The following RNPC3 variants were observed in gnomAD, a reference collection of about 807,000 sequenced individuals.
RNPC3 encodes RNA binding region (RNP1, RRM) containing 3.
Under a neutral mutation model 67.5 loss-of-function variants are expected in RNPC3, and 48 were observed. The observed-to-expected ratio is 0.71, with a 90% CI of 0.56 to 0.90. The LOEUF is 0.90. Among genes scored for constraint, RNPC3 ranks in the 40% least tolerant of loss-of-function variants. RNPC3 has a pLI of 0.00. For synonymous variants in RNPC3, 239 were observed against 210.3 expected, an observed-to-expected ratio of 1.14 and a Z score of -1.18; for missense variants, 637 against 626.1, an observed-to-expected ratio of 1.02 and a Z score of -0.19.
At chr1:103,547,742 A>G (rs1242391545) in intron 12 of RNPC3, among the ~76,000 whole-genome samples, 2 of 152,252 alleles carry the variant, frequency 1.3e-5, no homozygotes, top group East Asian at 3.9e-4. Context: ...TGTGATTTAT[A>G]AATGTTATAA....
At position 103,532,347 on chromosome 1, in the gene RNPC3, A is replaced by G. The variant is rs374246604; in HGVS notation, c.241-1392A>G. On this transcript the variant is annotated intron_variant, in intron 2 of 14. Coordinates refer to ENST00000423855, the MANE Select transcript of RNPC3 (RefSeq NM_017619.4). ...GAATAATTGGAAGAATGGAGTTGCT[A>G]TCAACTGAAATAGAGATGGCTCCTG... 1.5e-4 allele frequency among the ~76,000 whole-genome samples: 23 copies of G among 152,242 alleles called. No individual in the cohort carries two copies. In the South Asian group the frequency reaches 3.3e-3, roughly 22 times the overall value.
Position 103,537,388 on chromosome 1 carries a change from C to T in RNPC3, c.671C>T (p.Pro224Leu). 3.3e-6 allele frequency: 5 copies of T among 1,536,146 alleles called. No individual in the cohort carries two copies. The highest frequency in any genetic ancestry group is 4.4e-6 in the Non-Finnish European group (5 of 1,146,464). The stretch of plus-strand genomic sequence containing the variant: ...CATGCACCTCTTCCACCCACATCTC[C>T]TCAGCCACCTGAGGAACCTCCTTTG... ...PLHAPLPPTS[P>L]QPPEEPPLPD... The change falls in exon 7 of 15, where the codon CCT becomes CTT. Residue 224 changes from proline (P) to leucine (L), a missense_variant. Pro to Leu is a moderately conservative substitution (Grantham distance 98, BLOSUM62 -3). Transcript: ENST00000423855.
chr1:103,550,223 G>A (rs888905679), intron 12 of RNPC3, among the ~76,000 whole-genome samples: 2 of 151,830 alleles, frequency 1.3e-5, no homozygotes, highest in African/African-American at 4.8e-5. Flanking sequence ...CTTATAACTG[G>A]CTGTTAATCC....
At position 103,545,050 on chromosome 1, in the gene RNPC3, T is replaced by G. The variant is rs1434420254; in HGVS notation, c.1155T>G (p.Pro385=). 6.5e-7 allele frequency: 1 copy of G among 1,534,146 alleles called. No homozygotes were observed. Among genetic ancestry groups the G allele is most frequent in the Non-Finnish European group, 8.7e-7 (1 of 1,145,224 alleles). ...TTAAAGAAGACTCTGATGAAATGCC[T>G]TCAGAATGTATTTCTAGAAGGGAAT... ...EEIKEDSDEM[P]SECISRRELE... Residue 385 remains proline, a synonymous_variant, in exon 10 of 15, where the codon CCT becomes CCG. Transcript: ENST00000423855.
intron 12 of RNPC3, among the ~76,000 whole-genome samples, chr1:103,550,218 AACT>A (rs1270861523): frequency 6.6e-6 from 1 of 152,096 alleles, no homozygotes; most frequent in African/African-American, 2.4e-5. Flanking sequence ...AATTGCTTAT[AACT>A]GGCTGTTAAT....
chr1:103,551,582 C>A, intron 13 of RNPC3, 139 bp from the exon 14 acceptor site: 1 of 553,390 alleles, frequency 1.8e-6, no homozygotes, highest in Non-Finnish European at 3.3e-6. Flanking sequence ...AATTTCCTCT[C>A]AAGTCATGAA....
intron 11 of RNPC3, 48 bp downstream of exon 11, chr1:103,546,390 GT>G: frequency 1.0e-6 from 1 of 979,280 alleles, no homozygotes; most frequent in South Asian, 1.7e-5. Flanking sequence ...TAATTTGAAG[GT>G]TTTATAGTTG....
At chr1:103,535,743 C>T (rs1650968613) in intron 5 of RNPC3, among the ~76,000 whole-genome samples, 1 of 151,922 alleles carries the variant, frequency 6.6e-6, no homozygotes, top group Non-Finnish European at 1.5e-5. Context: ...TGAGCAAATG[C>T]TTAAAAATAT....
Position 103,537,447 on chromosome 1 carries a change from T to C in RNPC3, c.730T>C (p.Ser244Pro). 1 of 1,536,914 alleles carries C rather than the reference T, an allele frequency of 6.5e-7. No homozygotes were observed. Among genetic ancestry groups the C allele is most frequent in the African/African-American group, 1.4e-5 (1 of 73,152 alleles). ...GGATGAGGAATTATCTAGTGAAGAA[T>C]CAGAATATGAAAGCACTGATGATGA... is the stretch of plus-strand genomic sequence containing the variant. ...DEDEELSSEE[S>P]EYESTDDEDR... The change falls in exon 7 of 15, where the codon TCA becomes CCA. Residue 244 changes from serine (S) to proline (P), a missense_variant. Physicochemically the swap from Ser to Pro is moderately conservative, Grantham distance 74 (BLOSUM62 -1). This residue lies in a region of RNPC3 where 536 missense variants were observed against 500.3 expected (regional missense o/e 1.07). Coordinates refer to ENST00000423855, the MANE Select transcript of RNPC3 (RefSeq NM_017619.4).
rs759875041 is a variant in RNPC3, at chr1:103,532,400, G to T, written c.241-1339G>T. ...GGAGCACATTTGGGGCTGGGGGAAA[G>T]ATTAAGTGAAATGTTGAATTTGAAA... On this transcript the variant is annotated intron_variant, in intron 2 of 14. Coordinates refer to ENST00000423855, the MANE Select transcript of RNPC3 (RefSeq NM_017619.4). 7.9e-5 allele frequency among the ~76,000 whole-genome samples: 12 copies of T among 152,122 alleles called. 1 individual carries two copies. The highest frequency in any genetic ancestry group is 1.5e-5 in the Non-Finnish European group (1 of 67,976).
chr1:103,547,028 C>A lies in RNPC3; in HGVS notation c.1354C>A (p.Arg452=). The A allele has an allele frequency of 6.7e-7, 1 of 1,488,380 alleles. No homozygotes were observed. Among genetic ancestry groups the A allele is most frequent in the East Asian group, 2.5e-5 (1 of 39,786 alleles). The allele number at this position is 1,488,380 out of a possible 1,614,324, so 92.2% of individuals were successfully genotyped here. Residue 452 remains arginine, a synonymous_variant, in exon 12 of 15, where the codon CGG becomes AGG. Transcript: ENST00000423855. ...TGTTGACTTTTCATCAGAAACACAG[C>A]GGATCATGTAAGTGACAGTAAAATA... The part of the protein sequence containing the change: ...RYVDFSSETQ[R]IMFDIRLMKE...
chr1:103,535,428 A>T lies in RNPC3; in HGVS notation c.542A>T (p.Lys181Met). Reference sequence around the variant, plus strand: ...GTAAATGCCTTGGCAAGCGTGCCTAAGTTCTATGTACAGGTAAGTAGAATA... The same window carrying T: ...GTAAATGCCTTGGCAAGCGTGCCTATGTTCTATGTACAGGTAAGTAGAATA... ...NIVNALASVP[K>M]FYVQVLHLMN... is the part of the protein sequence containing the mutation. Residue 181 changes from lysine to methionine, a missense_variant, in exon 5 of 15, where the codon AAG becomes ATG. By Grantham distance (95) the Lys-to-Met change is moderately conservative. Coordinates refer to ENST00000423855, the MANE Select transcript of RNPC3 (RefSeq NM_017619.4). 6.5e-7 allele frequency: 1 copy of T among 1,533,064 alleles called. No homozygotes were observed. The highest frequency in any genetic ancestry group is 2.5e-5 in the East Asian group (1 of 40,804). The allele number at this position is 1,533,064 out of a possible 1,614,324, so 95.0% of individuals were successfully genotyped here.
At chr1:103,549,976 C>T (rs1418752591) in intron 12 of RNPC3, among the ~76,000 whole-genome samples, 1 of 151,700 alleles carries the variant, frequency 6.6e-6, no homozygotes, top group East Asian at 1.9e-4. Context: ...CCAGCCTGGC[C>T]TATATAGTGA....
At chr1:103,532,564 C>A (rs930943593) in intron 2 of RNPC3, among the ~76,000 whole-genome samples, 1 of 152,010 alleles carries the variant, frequency 6.6e-6, no homozygotes, top group Non-Finnish European at 1.5e-5. Flanking sequence ...GATTAAATCA[C>A]CAACATAATA....
At chr1:103,536,803 C>T (rs188941056) in intron 6 of RNPC3, among the ~76,000 whole-genome samples, 68 of 151,764 alleles carry the variant, frequency 4.5e-4, no homozygotes, top group Admixed American at 1.4e-3. Context: ...AACCCCAACA[C>T]CTACTCAATG....
intron 14 of RNPC3, chr1:103,552,200 C>G (rs1651407806): frequency 6.6e-6 from 1 of 152,376 alleles, no homozygotes; most frequent in South Asian, 2.1e-4. Flanking sequence ...TACCAGTTTT[C>G]CTTTTAATGA....
chr1:103,538,993 C>A (rs2101047113), intron 7 of RNPC3, among the ~76,000 whole-genome samples: 1 of 152,236 alleles, frequency 6.6e-6, no homozygotes, highest in South Asian at 2.1e-4. Flanking sequence ...GTCATGTGGT[C>A]TCTGTTGTGG....
chr1:103,543,639 T>G (rs1241618892), intron 9 of RNPC3, among the ~76,000 whole-genome samples, 192 bp downstream of exon 9: 1 of 151,800 alleles, frequency 6.6e-6, no homozygotes, highest in South Asian at 2.1e-4. Flanking sequence ...AACGGTGAGA[T>G]TGTCACTGTT....
intron 11 of RNPC3, chr1:103,546,630 G>C (rs1651250934): frequency 3.2e-6 from 1 of 315,186 alleles, no homozygotes; most frequent in African/African-American, 2.1e-5. Flanking sequence ...CAGTTCTGGA[G>C]GCAAACTGAA....
Sources: allele counts gnomAD v4.1 joint callset (sites outside exome capture counted in the v4.1 genomes callset), GRCh38; gene constraint gnomAD v4.1.1; regional missense constraint gnomAD v4.1.1; transcripts MANE v1.5; gene names NCBI Gene and HGNC (gene_info 2026-07-23, HGNC 2026-07-21).